ZNF469: variants seen among roughly 807,000 people sequenced by gnomAD.
ZNF469 encodes zinc finger protein 469.
ZNF469 carries 1 observed loss-of-function variant against 1.0 expected under a neutral mutation model. The ratio of observed to expected loss-of-function variants is 1.00; its 90% CI spans 0.35 to 4.73. ZNF469 has a LOEUF of 4.73. Among genes scored for constraint, ZNF469 ranks in the 30% most tolerant of loss-of-function variants. The pLI, the probability that ZNF469 is intolerant of heterozygous loss-of-function variation, is 0.16. For synonymous variants in ZNF469, 2,703 were observed against 2,363.4 expected, an observed-to-expected ratio of 1.14 and a Z score of -4.17; for missense variants, 6,100 against 5,356.3, an observed-to-expected ratio of 1.14 and a Z score of -4.33.
At chr16:88,272,372 A>G in the ZNF469 span, among the ~76,000 whole-genome samples, 1 of 138,410 alleles carries the variant, frequency 7.2e-6, no homozygotes, top group African/African-American at 2.8e-5. Flanking sequence ...AGATGGATGG[A>G]TGGGTGGGTA....
the ZNF469 span, among the ~76,000 whole-genome samples, chr16:88,269,226 C>T: frequency 6.6e-6 from 1 of 152,288 alleles, no homozygotes; most frequent in East Asian, 1.9e-4. Flanking sequence ...GGGCAAGCTG[C>T]ATAATTTCTC....
chr16:88,432,027 G>A lies in ZNF469; in HGVS notation c.4557G>A (p.Ser1519=), dbSNP rs750183688. 57 of 1,550,100 alleles carry A rather than the reference G, an allele frequency of 3.7e-5. No homozygotes were observed. Among genetic ancestry groups the A allele is most frequent in the Admixed American group, 1.8e-4 (9 of 50,974 alleles). The change falls in exon 3 of 3, where the codon TCG becomes TCA. Residue 1519 remains serine (S), a synonymous_variant. Coordinates refer to ENST00000565624, the MANE Select transcript of ZNF469 (RefSeq NM_001367624.2). ...TGCCTAGCCATTTTCCTGATCTCTC[G>A]GGGGGAAAGGTGCTCAGTAAGACGT... ...PMLPSHFPDL[S]GGKVLSKTCP... is the part of the protein sequence containing the mutation.
At chr16:88,247,207 T>G in the ZNF469 span, among the ~76,000 whole-genome samples, 1 of 149,100 alleles carries the variant, frequency 6.7e-6, no homozygotes, top group Non-Finnish European at 1.5e-5. Flanking sequence ...AGTGAATGAG[T>G]GAGGGAATAA....
chr16:88,215,720 T>A, the ZNF469 span, among the ~76,000 whole-genome samples: 1 of 151,996 alleles, frequency 6.6e-6, no homozygotes, highest in African/African-American at 2.4e-5. Context: ...TAAAAAAAAA[T>A]TATTCCATTA....
the ZNF469 span, among the ~76,000 whole-genome samples, chr16:88,304,795 A>G: frequency 6.6e-6 from 1 of 152,208 alleles, no homozygotes; most frequent in South Asian, 2.1e-4. Context: ...GTATTGTCTC[A>G]TCTGGCTAAG....
chr16:88,244,992 A>G, the ZNF469 span, among the ~76,000 whole-genome samples: 3 of 152,092 alleles, frequency 2.0e-5, no homozygotes, highest in South Asian at 6.2e-4. Flanking sequence ...CAGAAGACCC[A>G]TCGGAAGACT....
chr16:88,333,964 GTCTGTGTGCA>G, the ZNF469 span, among the ~76,000 whole-genome samples: 1 of 151,668 alleles, frequency 6.6e-6, no homozygotes, highest in African/African-American at 2.4e-5. Context: ...CTGCATGTGT[GTCTGTGTGCA>G]TCTGTGTGTA....
At chr16:88,232,145 G>T in the ZNF469 span, among the ~76,000 whole-genome samples, 52 of 152,304 alleles carry the variant, frequency 3.4e-4, no homozygotes, top group Non-Finnish European at 6.3e-4. Flanking sequence ...TGACGGCAAG[G>T]TCCCTGCTGA....
chr16:88,249,429 C>CTTTTTTTTTTTTTTTTTTTTTTT, the ZNF469 span, among the ~76,000 whole-genome samples: 5 of 63,614 alleles, frequency 7.9e-5, no homozygotes, highest in African/African-American at 2.5e-4. Flanking sequence ...TTTTCTTTTT[C>CTTTTTTTTTTTTTTTTTTTTTTT]TTTTTTTTTT....
chr16:88,316,478 C>T, the ZNF469 span, among the ~76,000 whole-genome samples: 3 of 151,352 alleles, frequency 2.0e-5, no homozygotes, highest in Non-Finnish European at 4.4e-5. Context: ...CGACGGTGGG[C>T]CTGGGCTCCC....
the ZNF469 span, among the ~76,000 whole-genome samples, chr16:88,346,935 G>A: frequency 1.9e-4 from 29 of 152,298 alleles, no homozygotes; most frequent in African/African-American, 6.3e-4. Flanking sequence ...CAGCTGGCCT[G>A]GCCACCCTCG....
chr16:88,251,278 G>A, the ZNF469 span, among the ~76,000 whole-genome samples: 1 of 152,154 alleles, frequency 6.6e-6, no homozygotes, highest in Non-Finnish European at 1.5e-5. Context: ...GATTAACTGG[G>A]AATCATTTGT....
At chr16:88,193,298 TG>T in the ZNF469 span, among the ~76,000 whole-genome samples, 1 of 143,568 alleles carries the variant, frequency 7.0e-6, no homozygotes, top group Non-Finnish European at 1.6e-5. Flanking sequence ...ATGGTGGTGG[TG>T]GGGTTGGTGG....
chr16:88,151,416 G>A, the ZNF469 span, among the ~76,000 whole-genome samples: 1,041 of 152,352 alleles, frequency 6.8e-3, 5 homozygotes, highest in Non-Finnish European at 0.012. This position sits in a 1 kb window ranked among gnomAD's most constrained non-coding sequence, Gnocchi z 5.4. Context: ...AGTGTTTCCC[G>A]ATGGAACGGC....
chr16:88,355,789 G>T, the ZNF469 span, among the ~76,000 whole-genome samples: 2 of 152,324 alleles, frequency 1.3e-5, no homozygotes. Context: ...GGGGCCGGGG[G>T]ACACTCAGGA....
the ZNF469 span, among the ~76,000 whole-genome samples, chr16:88,245,644 T>A: frequency 1.3e-5 from 2 of 152,360 alleles, no homozygotes; most frequent in Non-Finnish European, 2.9e-5. Context: ...AAGAGGGGAA[T>A]TCTCATCCCC....
At chr16:88,253,633 G>T in the ZNF469 span, among the ~76,000 whole-genome samples, 3 of 151,220 alleles carry the variant, frequency 2.0e-5, no homozygotes, top group African/African-American at 7.3e-5. Context: ...TGCCTCCAGG[G>T]TTCAAACAAT....
chr16:88,255,058 T>C, the ZNF469 span, among the ~76,000 whole-genome samples: 9 of 152,244 alleles, frequency 5.9e-5, no homozygotes, highest in African/African-American at 2.2e-4. Flanking sequence ...AACTATGTCA[T>C]ACATAGACAT....
chr16:88,411,463 G>T (rs541159061), intron 1 of ZNF469, among the ~76,000 whole-genome samples: 1 of 4,258 alleles, frequency 2.3e-4, no homozygotes, highest in South Asian at 0.026. Context: ...GGTGCGAGTG[G>T]GCAGGGGTGC....
Sources: gnomAD v4.1 joint callset for allele counts (sites outside exome capture counted in the v4.1 genomes callset) on GRCh38, gnomAD v4.1.1 for gene constraint, Gnocchi (gnomAD v3.1) non-coding constraint, MANE v1.5 for transcripts, NCBI Gene and HGNC (gene_info 2026-07-23, HGNC 2026-07-21) for gene names.